Variants in SOS2 observed in about 807,000 individuals in gnomAD.
The protein encoded by SOS2 is SOS Ras/Rho guanine nucleotide exchange factor 2, also known as son of sevenless homolog 2.
SOS2 carries 65 observed loss-of-function variants against 148.2 expected under a neutral mutation model. The ratio of observed to expected loss-of-function variants is 0.44; its 90% CI spans 0.36 to 0.54. The LOEUF is 0.54. SOS2 is among the 20% of genes least tolerant of loss of function. The pLI is 0.00. For synonymous variants in SOS2, 539 were observed against 537.1 expected (o/e 1.00, Z -0.05); for missense variants, 1,341 against 1,590.2 (o/e 0.84, Z 2.67).
chr14:50,208,843 A>G (rs927576010), intron 1 of SOS2, among the ~76,000 whole-genome samples: 13 of 152,206 alleles, frequency 8.5e-5, no homozygotes, highest in Admixed American at 7.9e-4. Flanking sequence ...TAAAGAAGAA[A>G]CAAATTTGCA....
intron 4 of SOS2, among the ~76,000 whole-genome samples, chr14:50,193,751 GA>G (rs1886228156): frequency 6.6e-6 from 1 of 151,362 alleles, no homozygotes; most frequent in Non-Finnish European, 1.5e-5. Flanking sequence ...AAGTCATCGG[GA>G]TTTTTTTTTT....
In SOS2 at chr14:50,140,314, G is replaced by A. The variant is rs554309817; in HGVS notation, c.2668-255C>T. Among the ~76,000 whole-genome samples, 6 of 152,226 alleles carry A rather than the reference G, an allele frequency of 3.9e-5. No homozygotes were observed. The East Asian group carries it at 7.7e-4, about 20-fold the overall frequency. ...AAAAATTCTACGTCATGCCTTGTGC[G>A]TTATTTTGACTAGCCAGGGTTTCAA... On this transcript the variant is annotated intron_variant, in intron 16 of 22. Coordinates refer to ENST00000216373, the MANE Select transcript of SOS2 (RefSeq NM_006939.4).
chr14:50,149,880 T>G (rs956974180), intron 14 of SOS2, 128 bp downstream of exon 14: 13 of 688,764 alleles, frequency 1.9e-5, no homozygotes, highest in Non-Finnish European at 3.3e-5. Flanking sequence ...GCTATGACCT[T>G]TCCTCTAAGC....
chr14:50,217,558 A>G (rs1488660134), intron 1 of SOS2, among the ~76,000 whole-genome samples: 1 of 152,112 alleles, frequency 6.6e-6, no homozygotes, highest in African/African-American at 2.4e-5. Flanking sequence ...AAATAAATAA[A>G]TAAAAAATTT....
intron 1 of SOS2, among the ~76,000 whole-genome samples, chr14:50,208,667 C>CA (rs1453348893): frequency 1.3e-5 from 2 of 151,856 alleles, no homozygotes; most frequent in Non-Finnish European, 2.9e-5. Flanking sequence ...CAAAACAAAA[C>CA]AAAAAAAGCT....
At chr14:50,125,517 T>G (rs1883652222) in intron 21 of SOS2, among the ~76,000 whole-genome samples, 1 of 152,166 alleles carries the variant, frequency 6.6e-6, no homozygotes, top group African/African-American at 2.4e-5. Context: ...ATCAACAAAC[T>G]TCAATAAAGC....
intron 4 of SOS2, among the ~76,000 whole-genome samples, chr14:50,195,860 C>G (rs1886294365): frequency 6.6e-6 from 1 of 152,048 alleles, no homozygotes; most frequent in Non-Finnish European, 1.5e-5. Flanking sequence ...GAAACCCCGT[C>G]TACTAAAAAC....
At chr14:50,204,890 CTTTTTT>C (rs1312862319) in intron 1 of SOS2, among the ~76,000 whole-genome samples, 1 of 53,560 alleles carries the variant, frequency 1.9e-5, no homozygotes, top group African/African-American at 7.9e-5. Flanking sequence ...ACCTTTTTTT[CTTTTTT>C]TTTCTTTCTT....
chr14:50,209,274 CGTGTGTGTGTGTGTGTGTGTGT>C (rs140994310), intron 1 of SOS2, among the ~76,000 whole-genome samples: 3 of 118,274 alleles, frequency 2.5e-5, no homozygotes, highest in Admixed American at 1.7e-4. Context: ...CCTTAAATGT[CGTGTGTGTGTGTGTGTGTGTGT>C]GTGTGTGTGT....
chr14:50,125,905 G>A (rs193141174), intron 21 of SOS2, among the ~76,000 whole-genome samples: 10 of 152,328 alleles, frequency 6.6e-5, no homozygotes, highest in Admixed American at 5.2e-4. Flanking sequence ...ACTACATGGC[G>A]AGATTGCCCC....
At chr14:50,160,577 G>C (rs946676085) in intron 9 of SOS2, among the ~76,000 whole-genome samples, 2 of 151,702 alleles carry the variant, frequency 1.3e-5, no homozygotes, top group Admixed American at 6.6e-5. Flanking sequence ...AGTAGAGATG[G>C]GGTTTCACCA....
intron 8 of SOS2, among the ~76,000 whole-genome samples, chr14:50,174,229 G>T (rs766003200): frequency 6.6e-6 from 1 of 152,048 alleles, no homozygotes; most frequent in Non-Finnish European, 1.5e-5. Context: ...TCCCAGCTAA[G>T]AGAGGAAGAA....
Position 50,118,239 on chromosome 14 carries a change from G to T in SOS2, c.*105C>A. ...TTTGATCAGTAGCATTTTTGTAAGA[G>T]CATTATTTGTAAAAAGTACTAAAAT... On this transcript the variant is annotated 3_prime_UTR_variant, in exon 23 of 23. Transcript: ENST00000216373. 1.1e-6 allele frequency: 1 copy of T among 924,230 alleles called. No individual in the cohort carries two copies. Among genetic ancestry groups the T allele is most frequent in the Non-Finnish European group, 1.6e-6 (1 of 616,836 alleles). 57.3% of individuals were successfully genotyped at this position (924,230 alleles called of 1,614,324 possible).
Position 50,176,945 on chromosome 14 carries a change from G to C in SOS2, c.970-2393C>G, listed in dbSNP as rs1331651817. Among the ~76,000 whole-genome samples the C allele has an allele frequency of 2.0e-5, 3 of 152,230 alleles. No individual in the cohort carries two copies. In the East Asian group the frequency reaches 5.8e-4, roughly 29 times the overall value. ...GGACTCCTTAAACCCAAGAGGCAGA[G>C]GTTGCAGTGAGCCAAGATCGCGCCA... On this transcript the variant is annotated intron_variant, in intron 7 of 22. Transcript: ENST00000216373.
At chr14:50,158,941 T>C (rs1884906107) in intron 10 of SOS2, among the ~76,000 whole-genome samples, 1 of 152,190 alleles carries the variant, frequency 6.6e-6, no homozygotes, top group South Asian at 2.1e-4. Context: ...TCTCAGCACT[T>C]TGGGAGGCCG....
At chr14:50,209,273 T>TCG (rs1566481126) in intron 1 of SOS2, among the ~76,000 whole-genome samples, 10 of 63,482 alleles carry the variant, frequency 1.6e-4, no homozygotes, top group Non-Finnish European at 4.3e-4. Flanking sequence ...TCCTTAAATG[T>TCG]CGTGTGTGTG....
At chr14:50,172,943 T>C (rs1440350825) in intron 8 of SOS2, among the ~76,000 whole-genome samples, 1 of 152,192 alleles carries the variant, frequency 6.6e-6, no homozygotes, top group Non-Finnish European at 1.5e-5. Flanking sequence ...CTGTCTACTT[T>C]CAGATTATGG....
intron 17 of SOS2, among the ~76,000 whole-genome samples, chr14:50,139,351 C>G (rs928966230): frequency 2.0e-5 from 3 of 152,084 alleles, no homozygotes; most frequent in Non-Finnish European, 2.9e-5. Context: ...CAGCTGGGGA[C>G]AATTTAGTCC....
chr14:50,224,897 A>AAAAAG (rs1477987016), intron 1 of SOS2, among the ~76,000 whole-genome samples: 1 of 150,776 alleles, frequency 6.6e-6, no homozygotes, highest in African/African-American at 2.4e-5. Context: ...AAAAAAAAAA[A>AAAAAG]AGAGAGAGAG....
Sources: allele counts gnomAD v4.1 joint callset (sites outside exome capture counted in the v4.1 genomes callset), GRCh38; gene constraint gnomAD v4.1.1; transcripts MANE v1.5; gene names NCBI Gene and HGNC (gene_info 2026-07-23, HGNC 2026-07-21).